CXCL12: variants seen among roughly 807,000 people sequenced by gnomAD.
CXCL12 encodes stromal cell-derived factor 1.
In CXCL12, 4 loss-of-function variants were observed where a neutral mutation model predicts 10.7. The observed-to-expected ratio is 0.37, with a 90% CI of 0.18 to 0.86. CXCL12 has a LOEUF of 0.86. CXCL12 is among the 40% of genes least tolerant of loss of function. CXCL12 has a pLI of 0.43. For synonymous variants in CXCL12, 54 were observed against 45.4 expected, an observed-to-expected ratio of 1.19 and a Z score of -0.77; for missense variants, 122 against 110.4, an observed-to-expected ratio of 1.10 and a Z score of -0.47.
At chr10:44,376,758 T>C (rs1260398405), downstream of CXCL12, among the ~76,000 whole-genome samples, 1 of 152,186 alleles carries the variant, frequency 6.6e-6, no homozygotes, top group Non-Finnish European at 1.5e-5. Context: ...ATGGGATTTT[T>C]ACATGGGAAA....
At chr10:44,379,249 G>A (rs1014066164) in intron 2 of CXCL12, among the ~76,000 whole-genome samples, 3 of 152,006 alleles carry the variant, frequency 2.0e-5, no homozygotes, top group Admixed American at 1.3e-4. Flanking sequence ...AGAAGTCACC[G>A]CGGTCTGACC....
intron 2 of CXCL12, 163 bp downstream of exon 2, chr10:44,380,600 C>T (rs1033242893): frequency 1.7e-5 from 12 of 692,868 alleles, no homozygotes; most frequent in Non-Finnish European, 2.9e-5. Flanking sequence ...TGGTGGCATA[C>T]TAAAGGTCCT....
At chr10:44,374,802 G>A, downstream of CXCL12, 1 of 400,486 alleles carries the variant, frequency 2.5e-6, no homozygotes, top group Admixed American at 2.7e-5. Context: ...CGGGTGCAGG[G>A]TGGGCGGGTG....
At chr10:44,373,624 C>T (rs565731832), downstream of CXCL12, among the ~76,000 whole-genome samples, 3 of 152,318 alleles carry the variant, frequency 2.0e-5, no homozygotes, top group Admixed American at 2.0e-4. Flanking sequence ...ACAGAGAGGC[C>T]CATCAGAGTG....
downstream of CXCL12, chr10:44,376,967 G>T: frequency 9.1e-6 from 3 of 328,318 alleles, no homozygotes; most frequent in Non-Finnish European, 1.3e-5. Flanking sequence ...ATCTGCTCGT[G>T]AGAAAAGCCC....
downstream of CXCL12, chr10:44,372,472 C>G (rs1839337347): frequency 3.3e-6 from 1 of 299,978 alleles, no homozygotes; most frequent in Non-Finnish European, 5.4e-6. Flanking sequence ...ACATTGGTCA[C>G]AGAGGAGGAC....
chr10:44,376,061 A>G, downstream of CXCL12: 1 of 1,606,520 alleles, frequency 6.2e-7, no homozygotes. Flanking sequence ...AACCATTAAT[A>G]ATGTGGAAAT....
chr10:44,370,762 T>G (rs1265920475), exon 4 of CXCL12: 1 of 152,250 alleles, frequency 6.6e-6, no homozygotes, highest in Non-Finnish European at 1.5e-5. Flanking sequence ...AAGCGGAACC[T>G]TTTTTCTCAG....
At chr10:44,373,973 C>T (rs900865352), downstream of CXCL12, among the ~76,000 whole-genome samples, 2 of 152,204 alleles carry the variant, frequency 1.3e-5, no homozygotes, top group African/African-American at 4.8e-5. Flanking sequence ...CCCGGTCAGG[C>T]TCTTCACTCT....
At chr10:44,378,744 C>T (rs1363096791) in intron 2 of CXCL12, 21 bp from the exon 3 acceptor site, 1 of 1,613,176 alleles carries the variant, frequency 6.2e-7, no homozygotes, top group South Asian at 1.1e-5. Context: ...AGAATGGCAA[C>T]AGTGTGCGGC....
rs189808931 is a variant in CXCL12 at position 44,384,366 on chromosome 10, C to T, written c.61+579G>A. Among the ~76,000 whole-genome samples the T allele has an allele frequency of 7.9e-4, 121 of 152,260 alleles. 3 individuals carry two copies. The East Asian group carries it at 0.022, about 28-fold the overall frequency. ...CAAGCCCGACAGCTGCGCCGCGCAG[C>T]CCGCCCGCGCCTGGCCAAGAGCCCC... is the stretch of plus-strand genomic sequence containing the variant. On this transcript the variant is annotated intron_variant, in intron 1 of 2. Transcript: ENST00000343575.
chr10:44,384,635 C>G (rs1839741443), intron 1 of CXCL12, among the ~76,000 whole-genome samples: 1 of 152,170 alleles, frequency 6.6e-6, no homozygotes, highest in Admixed American at 6.5e-5. Context: ...CCGCGGCTCC[C>G]CACCCTCGCG....
At chr10:44,380,964 C>T (rs1839612463) in intron 1 of CXCL12, 84 bp from the exon 2 acceptor site, 7 of 1,087,876 alleles carry the variant, frequency 6.4e-6, no homozygotes, top group Admixed American at 1.7e-5. Context: ...GTTGGTGCAG[C>T]GATTAAGGAT....
In CXCL12 at chr10:44,383,138, C is replaced by G. The variant is rs368015684; in HGVS notation, c.61+1807G>C. On this transcript the variant is annotated intron_variant, in intron 1 of 2. Coordinates refer to ENST00000343575, the MANE Select transcript of CXCL12 (RefSeq NM_199168.4). ...CGGAAGTCAGCCAATGGGGGAGGGG[C>G]AGGACCCCTGGCCAAGCTCTCTCTG... Among the ~76,000 whole-genome samples the G allele has an allele frequency of 2.9e-4, 44 of 152,302 alleles. 4 individuals carry two copies. Among genetic ancestry groups the G allele is most frequent in the Admixed American group, 1.9e-3 (29 of 15,300 alleles).
Position 44,378,084 on chromosome 10 carries a change from C to A in CXCL12, c.*549G>T. ...GTGAAGGCAGTGGCGGCGCCCAGCC[C>A]CAGTCGGTATCTGAGTGCCACAGAG... On this transcript the variant is annotated 3_prime_UTR_variant, in exon 3 of 3. Coordinates refer to ENST00000343575, the MANE Select transcript of CXCL12 (RefSeq NM_199168.4). The A allele has an allele frequency of 6.9e-7, 1 of 1,453,808 alleles. No individual in the cohort carries two copies. Among genetic ancestry groups the A allele is most frequent in the African/African-American group, 1.4e-5 (1 of 70,020 alleles). 90.1% of individuals were successfully genotyped at this position (1,453,808 alleles called of 1,614,324 possible).
chr10:44,377,293 A>G lies in CXCL12; in HGVS notation c.*1340T>C, dbSNP rs1028430512. 1.7e-4 allele frequency: 168 copies of G among 1,002,568 alleles called. No homozygotes were observed. Among genetic ancestry groups the G allele is most frequent in the Middle Eastern group, 1.0e-3 (2 of 1,966 alleles). 62.1% of individuals were successfully genotyped at this position (1,002,568 alleles called of 1,614,324 possible). ...TACAAATTGCCAGTAGTTTGAGATAATAGAGAAGTATAAACTACTGACATT... is the reference window on the plus strand; with the variant it reads ...TACAAATTGCCAGTAGTTTGAGATAGTAGAGAAGTATAAACTACTGACATT... On this transcript the variant is annotated 3_prime_UTR_variant, in exon 3 of 3. Coordinates refer to ENST00000343575, the MANE Select transcript of CXCL12 (RefSeq NM_199168.4).
At chr10:44,382,847 T>C (rs1298992139) in intron 1 of CXCL12, among the ~76,000 whole-genome samples, 1 of 152,244 alleles carries the variant, frequency 6.6e-6, no homozygotes, top group Non-Finnish European at 1.5e-5. Flanking sequence ...GTCTCGTGTG[T>C]ACCTCATGTG....
At position 44,377,858 on chromosome 10, in the gene CXCL12, C is replaced by A. The variant is rs754639751; in HGVS notation, c.*775G>T. The stretch of plus-strand genomic sequence containing the variant: ...CCTGGGAGGAGAGGGATGCAGGGCA[C>A]GAGCCCCAGCAATCACCCTCTTCCC... On this transcript the variant is annotated 3_prime_UTR_variant, in exon 3 of 3. Coordinates refer to ENST00000343575, the MANE Select transcript of CXCL12 (RefSeq NM_199168.4). 6.3e-7 allele frequency: 1 copy of A among 1,585,720 alleles called. No homozygotes were observed. The highest frequency in any genetic ancestry group is 8.5e-7 in the Non-Finnish European group (1 of 1,174,254).
chr10:44,377,836 G>A lies in CXCL12; in HGVS notation c.*797C>T. 1 of 1,594,522 alleles carries A rather than the reference G, an allele frequency of 6.3e-7. No homozygotes were observed. ...GGGCCCGAGCTGTGGGGCAGGCCCT[G>A]GGAGGAGAGGGATGCAGGGCACGAG... is the stretch of plus-strand genomic sequence containing the variant. On this transcript the variant is annotated 3_prime_UTR_variant, in exon 3 of 3. Transcript: ENST00000343575.
Sources: gnomAD v4.1 joint callset for allele counts (sites outside exome capture counted in the v4.1 genomes callset) on GRCh38, gnomAD v4.1.1 for gene constraint, MANE v1.5 for transcripts, NCBI Gene and HGNC (gene_info 2026-07-23, HGNC 2026-07-21) for gene names.